MLIP: variants seen among roughly 807,000 people sequenced by gnomAD.
MLIP encodes the protein muscular LMNA-interacting protein.
In MLIP, 79 loss-of-function variants were observed where a neutral mutation model predicts 84.8. That is an observed-to-expected ratio of 0.93 (90% CI 0.78 to 1.12). The LOEUF is 1.12. Among genes scored for constraint, MLIP ranks in the 50% most tolerant of loss-of-function variants. The pLI, the probability that MLIP is intolerant of heterozygous loss-of-function variation, is 0.00. For synonymous variants in MLIP, 504 were observed against 463.0 expected, an observed-to-expected ratio of 1.09 and a Z score of -1.14; for missense variants, 1,257 against 1,160.6, an observed-to-expected ratio of 1.08 and a Z score of -1.21.
chr6:54,117,003 T>C (rs1261231158), intron 1 of MLIP, among the ~76,000 whole-genome samples: 1 of 152,190 alleles, frequency 6.6e-6, no homozygotes, highest in Non-Finnish European at 1.5e-5. Context: ...AAATGTATGA[T>C]TACTTCAATA....
chr6:54,178,533 C>T (rs1776531191), intron 9 of MLIP, among the ~76,000 whole-genome samples: 1 of 152,062 alleles, frequency 6.6e-6, no homozygotes, highest in Non-Finnish European at 1.5e-5. Flanking sequence ...TATGTAGGCA[C>T]TTACAGCTAT....
intron 1 of MLIP, among the ~76,000 whole-genome samples, chr6:54,023,170 AAATAATAAT>A (rs3064622): frequency 1.9e-5 from 2 of 103,088 alleles, no homozygotes; most frequent in East Asian, 4.2e-4. Flanking sequence ...CCATCTCAAA[AAATAATAAT>A]AATAATAATA....
intron 1 of MLIP, among the ~76,000 whole-genome samples, chr6:54,053,063 C>T (rs1372396933): frequency 6.6e-6 from 1 of 152,130 alleles, no homozygotes; most frequent in Non-Finnish European, 1.5e-5. Flanking sequence ...AAAGTGAGCA[C>T]TTATATTAGC....
chr6:54,251,604 TTATAACA>T (rs1782506344), intron 12 of MLIP, among the ~76,000 whole-genome samples: 1 of 106,638 alleles, frequency 9.4e-6, no homozygotes, highest in Admixed American at 1.1e-4. Flanking sequence ...AATATATATA[TTATAACA>T]TATAATATAT....
At chr6:54,121,204 G>A (rs114640990) in intron 1 of MLIP, among the ~76,000 whole-genome samples, 1 of 152,068 alleles carries the variant, frequency 6.6e-6, no homozygotes, top group Non-Finnish European at 1.5e-5. Flanking sequence ...GCTGTTTTAT[G>A]CCATCCCCTA....
chr6:54,097,019 G>A (rs1768263299), intron 1 of MLIP, among the ~76,000 whole-genome samples: 1 of 152,148 alleles, frequency 6.6e-6, no homozygotes, highest in South Asian at 2.1e-4. Context: ...AGCAAGTAGT[G>A]CGGCTGTGAG....
intron 11 of MLIP, among the ~76,000 whole-genome samples, chr6:54,211,113 G>T (rs1779420688): frequency 6.6e-6 from 1 of 152,098 alleles, no homozygotes; most frequent in African/African-American, 2.4e-5. Flanking sequence ...GGTGGCGGGT[G>T]CCTATAATCC....
At chr6:54,234,527 T>C (rs1225523358) in intron 12 of MLIP, among the ~76,000 whole-genome samples, 1 of 152,134 alleles carries the variant, frequency 6.6e-6, no homozygotes, top group African/African-American at 2.4e-5. Flanking sequence ...CTTGATCCTT[T>C]TCCTTGATGA....
At chr6:54,118,668 AT>A (rs780747693) in intron 1 of MLIP, among the ~76,000 whole-genome samples, 1 of 152,226 alleles carries the variant, frequency 6.6e-6, no homozygotes, top group Non-Finnish European at 1.5e-5. Flanking sequence ...GATAAATAGG[AT>A]TTTAGCAAAC....
intron 11 of MLIP, chr6:54,203,598 T>G (rs1047176094): frequency 1.3e-5 from 2 of 152,698 alleles, no homozygotes; most frequent in African/African-American, 4.8e-5. Context: ...CTTTCTTTTT[T>G]TTTTTGAGAT....
chr6:54,118,180 A>G (rs1225393089), intron 1 of MLIP, among the ~76,000 whole-genome samples: 1 of 152,248 alleles, frequency 6.6e-6, no homozygotes, highest in Non-Finnish European at 1.5e-5. Flanking sequence ...TAAAATTCTT[A>G]TGGAACTACA....
rs527346482 is a variant in MLIP, at chr6:54,185,348, C to T, written c.2545-4522C>T. 9.2e-5 allele frequency among the ~76,000 whole-genome samples: 14 copies of T among 152,260 alleles called. No homozygotes were observed. In the South Asian group the frequency reaches 2.9e-3, roughly 32 times the overall value. On this transcript the variant is annotated intron_variant, in intron 9 of 13. Coordinates refer to ENST00000502396, the MANE Select transcript of MLIP (RefSeq NM_001281747.2). ...ATTGTGGTTTACATTTAATTTTGCA[C>T]TTTCTCTGGGAAGTTTCTGATAGCA... is the stretch of plus-strand genomic sequence containing the variant.
At chr6:54,025,749 A>G (rs1034261963) in intron 1 of MLIP, among the ~76,000 whole-genome samples, 2 of 99,498 alleles carry the variant, frequency 2.0e-5, no homozygotes, top group Non-Finnish European at 5.5e-5. Context: ...AACTCCCCTA[A>G]GCTGCCGGCT....
chr6:54,257,210 ATATT>A (rs1447488078), intron 12 of MLIP, 94 bp from the exon 13 acceptor site: 6 of 830,352 alleles, frequency 7.2e-6, no homozygotes, highest in Non-Finnish European at 1.2e-5. Flanking sequence ...CTGCAATAAA[ATATT>A]TATGTCATTG....
intron 10 of MLIP, among the ~76,000 whole-genome samples, chr6:54,200,630 TTTTG>T (rs141319116): frequency 0.92 from 121,993 of 132,818 alleles, 56,298 homozygotes; most frequent in East Asian, 0.98. Context: ...TTTTTTTTTT[TTTTG>T]GCAGCACTTA....
At chr6:54,125,225 G>A (rs1770822912) in intron 3 of MLIP, among the ~76,000 whole-genome samples, 1 of 152,172 alleles carries the variant, frequency 6.6e-6, no homozygotes, top group Non-Finnish European at 1.5e-5. Flanking sequence ...GGTCCATCAA[G>A]AAGCATATTT....
At chr6:54,164,041 A>G (rs534183455) in intron 8 of MLIP, among the ~76,000 whole-genome samples, 2 of 152,138 alleles carry the variant, frequency 1.3e-5, no homozygotes, top group East Asian at 1.9e-4. Context: ...GTCCTCTGCT[A>G]TAGAGTGATC....
intron 9 of MLIP, among the ~76,000 whole-genome samples, chr6:54,179,595 A>G (rs1776646695): frequency 1.3e-5 from 2 of 151,934 alleles, no homozygotes; most frequent in Admixed American, 1.3e-4. Context: ...TGAGGTTACC[A>G]TGAGGCTTGT....
intron 3 of MLIP, among the ~76,000 whole-genome samples, chr6:54,130,571 G>A (rs1771292726): frequency 6.6e-6 from 1 of 152,116 alleles, no homozygotes; most frequent in African/African-American, 2.4e-5. Context: ...ATTCCTGTAT[G>A]AAGGTAGTAG....
Sources: allele counts gnomAD v4.1 joint callset (sites outside exome capture counted in the v4.1 genomes callset), GRCh38; gene constraint gnomAD v4.1.1; transcripts MANE v1.5; gene names NCBI Gene and HGNC (gene_info 2026-07-23, HGNC 2026-07-21).